Variants in SH3RF3 observed in about 807,000 individuals in gnomAD.
The protein encoded by SH3RF3 is SH3 domain containing ring finger 3.
Under a neutral mutation model 66.3 loss-of-function variants are expected in SH3RF3, and 29 were observed. The observed-to-expected ratio is 0.44, with a 90% CI of 0.33 to 0.60. The LOEUF (loss-of-function observed/expected upper bound fraction) is 0.60. Among genes scored for constraint, SH3RF3 ranks in the 20% least tolerant of loss-of-function variants. The pLI, the probability that SH3RF3 is intolerant of heterozygous loss-of-function variation, is 0.04. For missense variants in SH3RF3, 1,194 were observed against 1,190.9 expected (o/e 1.00, Z -0.04); for synonymous variants, 583 against 532.0 (o/e 1.10, Z -1.32).
chr2:109,463,219 A>T (rs1678252648), intron 8 of SH3RF3, among the ~76,000 whole-genome samples: 1 of 152,252 alleles, frequency 6.6e-6, no homozygotes, highest in Non-Finnish European at 1.5e-5. Flanking sequence ...AATTTAGTAG[A>T]CAGCCCATCT....
Position 109,148,265 on chromosome 2 carries a change from G to C in SH3RF3, c.573+18152G>C, listed in dbSNP as rs532381791. Among the ~76,000 whole-genome samples the C allele has an allele frequency of 2.8e-3, 429 of 152,322 alleles. 2 individuals carry two copies. The highest frequency in any genetic ancestry group is 5.4e-3 in the Admixed American group (83 of 15,302). On this transcript the variant is annotated intron_variant, in intron 1 of 9. Coordinates refer to ENST00000309415, the MANE Select transcript of SH3RF3 (RefSeq NM_001099289.3). ...TGTTTTCTCTTGTGAGATGGGCCCC[G>C]ATCATGCCACATGAGCAGAGCACGT... is the stretch of plus-strand genomic sequence containing the variant.
At chr2:109,314,948 T>C (rs1681836596) in intron 1 of SH3RF3, among the ~76,000 whole-genome samples, 1 of 152,216 alleles carries the variant, frequency 6.6e-6, no homozygotes, top group South Asian at 2.1e-4. Context: ...AATCTCATTC[T>C]TGGCAAAGCC....
At chr2:109,276,488 A>G (rs988637980) in intron 1 of SH3RF3, among the ~76,000 whole-genome samples, 9 of 152,198 alleles carry the variant, frequency 5.9e-5, no homozygotes, top group Admixed American at 6.5e-5. Flanking sequence ...GTGTCGCTGC[A>G]TGGAAGGCCT....
In SH3RF3 at chr2:109,503,820, T is replaced by C. The variant is rs1679458922; in HGVS notation, c.*2149T>C. The stretch of plus-strand genomic sequence containing the variant: ...CTCCCAGGCATGGCCCACGTGGTGC[T>C]TCAGGTAGAAATGTGCTTCACCCTC... On this transcript the variant is annotated 3_prime_UTR_variant, in exon 10 of 10. Transcript: ENST00000309415. The C allele has an allele frequency of 6.6e-6, 1 of 152,196 alleles. No individual in the cohort carries two copies. The highest frequency in any genetic ancestry group is 6.5e-5 in the Admixed American group (1 of 15,278). 9.4% of individuals were successfully genotyped at this position (152,196 alleles called of 1,614,324 possible).
intron 1 of SH3RF3, among the ~76,000 whole-genome samples, chr2:109,318,293 G>C (rs886559548): frequency 1.3e-5 from 2 of 152,026 alleles, no homozygotes; most frequent in African/African-American, 4.8e-5. Context: ...CCATGCGACT[G>C]CTCCTCCTAG....
intron 1 of SH3RF3, among the ~76,000 whole-genome samples, chr2:109,249,509 C>CTT (rs774852951): frequency 2.0e-4 from 13 of 66,390 alleles, no homozygotes; most frequent in African/African-American, 6.2e-4. Flanking sequence ...TTCTTTCTTT[C>CTT]ATTCTTTCTT....
intron 1 of SH3RF3, among the ~76,000 whole-genome samples, chr2:109,150,846 T>A (rs1290149417): frequency 2.0e-5 from 3 of 152,172 alleles, no homozygotes; most frequent in Non-Finnish European, 2.9e-5. Context: ...TTTGTGCTTT[T>A]ACCATACTAT....
intron 5 of SH3RF3, among the ~76,000 whole-genome samples, chr2:109,425,489 A>T (rs943986473): frequency 2.0e-5 from 3 of 152,170 alleles, no homozygotes; most frequent in African/African-American, 7.2e-5. Flanking sequence ...GGACAGGCAG[A>T]CTCTCTTGTT....
intron 2 of SH3RF3, 77 bp downstream of exon 2, chr2:109,348,026 C>T: frequency 6.7e-7 from 1 of 1,497,656 alleles, no homozygotes; most frequent in Non-Finnish European, 9.0e-7. Flanking sequence ...AGCCACAGAC[C>T]TATAGCCAGA....
rs1019652306 is a variant in SH3RF3 at position 109,281,764 on chromosome 2, C to G, written c.574-65910C>G. 2.6e-5 allele frequency among the ~76,000 whole-genome samples: 4 copies of G among 152,130 alleles called. No homozygotes were observed. The South Asian group carries it at 6.2e-4, about 24-fold the overall frequency. On this transcript the variant is annotated intron_variant, in intron 1 of 9. Transcript: ENST00000309415. ...TGGGTGCAGGCCCAGAGAGCAAGAGCAAGCCTGCACAGAGGTTCTGTGCCA... is the reference window on the plus strand; with the variant it reads ...TGGGTGCAGGCCCAGAGAGCAAGAGGAAGCCTGCACAGAGGTTCTGTGCCA...
At chr2:109,297,770 A>G (rs1201620047) in intron 1 of SH3RF3, among the ~76,000 whole-genome samples, 1 of 140,912 alleles carries the variant, frequency 7.1e-6, no homozygotes, top group Non-Finnish European at 1.5e-5. Flanking sequence ...AGTGCCTCCC[A>G]CTCAGTCATT....
At chr2:109,452,999 G>A (rs114942559) in intron 8 of SH3RF3, among the ~76,000 whole-genome samples, 2,455 of 151,548 alleles carry the variant, frequency 0.016, 64 homozygotes, top group African/African-American at 0.056. Flanking sequence ...CGGGAGGCTG[G>A]TCCCCGGGAA....
At chr2:109,155,734 CA>C (rs1281171659) in intron 1 of SH3RF3, among the ~76,000 whole-genome samples, 1 of 152,150 alleles carries the variant, frequency 6.6e-6, no homozygotes, top group African/African-American at 2.4e-5. Context: ...TACTTGAGAA[CA>C]AAAAGGGAGT....
chr2:109,201,998 G>A (rs1390155077), intron 1 of SH3RF3, among the ~76,000 whole-genome samples: 2 of 152,176 alleles, frequency 1.3e-5, no homozygotes, highest in South Asian at 2.1e-4. Flanking sequence ...CAAAGGAAAC[G>A]GGACACAGGC....
intron 4 of SH3RF3, among the ~76,000 whole-genome samples, chr2:109,409,337 G>T (rs1221930835): frequency 1.3e-5 from 2 of 152,200 alleles, no homozygotes; most frequent in Non-Finnish European, 2.9e-5. Context: ...TCTAGACTTT[G>T]CAGCCAGGTA....
At chr2:109,267,382 A>G (rs1558991584) in intron 1 of SH3RF3, among the ~76,000 whole-genome samples, 1 of 152,196 alleles carries the variant, frequency 6.6e-6, no homozygotes, top group Admixed American at 6.5e-5. Context: ...TGCGCTTTGT[A>G]CAAGTGCTGA....
Position 109,490,818 on chromosome 2 carries a change from A to T in SH3RF3, c.2362A>T (p.Met788Leu), listed in dbSNP as rs903500707. The change falls in exon 9 of 10, where the codon ATG (methionine) becomes TTG (leucine). Residue 788 changes from methionine to leucine, a missense_variant. Transcript: ENST00000309415. Reference protein sequence around the residue: ...IESEMQGAMGMEPLHRKAGSL... With the variant: ...IESEMQGAMGLEPLHRKAGSL... ...GAGCGAGATGCAGGGTGCCATGGGG[A>T]TGGAGCCTCTGCACAGGAAGGCAGG... 12 of 1,536,866 alleles carry T rather than the reference A, an allele frequency of 7.8e-6. No individual in the cohort carries two copies. In the African/African-American group the frequency reaches 1.4e-4, roughly 18 times the overall value.
In SH3RF3 at chr2:109,347,877, C is replaced by T. The variant is rs534852609; in HGVS notation, c.777C>T (p.Pro259=). The change falls in exon 2 of 10, where the codon CCC becomes CCT. Residue 259 remains proline, a synonymous_variant. Transcript: ENST00000309415. ...QCIQPLPHAP[P]QGKALYDFEM... is the part of the protein sequence containing the mutation. ...TCCAGCCCTTGCCACACGCCCCGCCCCAGGGAAAAGCACTTTATGATTTCG... is the reference window on the plus strand; with the variant it reads ...TCCAGCCCTTGCCACACGCCCCGCCTCAGGGAAAAGCACTTTATGATTTCG... The T allele has an allele frequency of 1.7e-5, 28 of 1,613,034 alleles. 2 individuals are homozygous for T. In the African/African-American group the frequency reaches 2.0e-4, roughly 12 times the overall value.
chr2:109,272,573 C>T (rs1680651402), intron 1 of SH3RF3, among the ~76,000 whole-genome samples: 1 of 152,216 alleles, frequency 6.6e-6, no homozygotes, highest in African/African-American at 2.4e-5. Context: ...GCTGAAGGCT[C>T]AGAGCGCTCG....
Sources: allele counts gnomAD v4.1 joint callset (sites outside exome capture counted in the v4.1 genomes callset), GRCh38; gene constraint gnomAD v4.1.1; transcripts MANE v1.5; gene names NCBI Gene and HGNC (gene_info 2026-07-23, HGNC 2026-07-21).